Variants in NOVA2 observed in about 807,000 individuals in gnomAD.
The protein encoded by NOVA2 is RNA-binding protein Nova-2.
A neutral mutation model predicts 22.5 loss-of-function variants in NOVA2; 9 were observed. The observed-to-expected ratio is 0.40, with a 90% CI of 0.24 to 0.70. NOVA2 has a LOEUF of 0.70. Among genes scored for constraint, NOVA2 ranks in the 30% least tolerant of loss-of-function variants. The pLI is 0.38. For missense variants in NOVA2, 383 were observed against 682.8 expected, an observed-to-expected ratio of 0.56 and a Z score of 4.89; for synonymous variants, 318 against 335.2, an observed-to-expected ratio of 0.95 and a Z score of 0.56.
At chr19:45,967,219 C>T (rs1210330292) in intron 1 of NOVA2, among the ~76,000 whole-genome samples, 1 of 152,070 alleles carries the variant, frequency 6.6e-6, no homozygotes, top group Non-Finnish European at 1.5e-5. Context: ...GAATTTTATG[C>T]ACATCTTTTC....
chr19:45,969,610 T>C (rs896720522), intron 1 of NOVA2, among the ~76,000 whole-genome samples: 1 of 150,710 alleles, frequency 6.6e-6, no homozygotes, highest in African/African-American at 2.4e-5. Flanking sequence ...TATGTCTGTA[T>C]ATGGGTTTTT....
rs1052523622 is a variant in NOVA2, at chr19:45,936,789, C to T, written c.*3074G>A. On this transcript the variant is annotated 3_prime_UTR_variant, in exon 4 of 4. Coordinates refer to ENST00000263257, the MANE Select transcript of NOVA2 (RefSeq NM_002516.4). Reference sequence around the variant, plus strand: ...AATGAGAAGGAATAGGGAGATAATCCAATGCAGCAAACACTTATTAAGCAC... The same window carrying T: ...AATGAGAAGGAATAGGGAGATAATCTAATGCAGCAAACACTTATTAAGCAC... The T allele has an allele frequency of 2.6e-5, 4 of 151,998 alleles. No homozygotes were observed. The highest frequency in any genetic ancestry group is 9.7e-5 in the African/African-American group (4 of 41,364). The allele number at this position is 151,998 out of a possible 1,614,324, so 9.4% of individuals were successfully genotyped here.
intron 3 of NOVA2, 63 bp downstream of exon 3, chr19:45,953,717 G>C: frequency 2.5e-6 from 4 of 1,589,094 alleles, no homozygotes; most frequent in Non-Finnish European, 3.5e-6. Flanking sequence ...CAGTGATGTG[G>C]GAGGAATGTT....
intron 3 of NOVA2, among the ~76,000 whole-genome samples, chr19:45,945,019 T>G (rs1967816091): frequency 6.6e-6 from 1 of 152,034 alleles, no homozygotes; most frequent in Non-Finnish European, 1.5e-5. Flanking sequence ...CAAGATTTCT[T>G]TTGGAGGCCA....
chr19:45,943,053 CTTT>C (rs58123743), intron 3 of NOVA2, among the ~76,000 whole-genome samples: 57 of 117,576 alleles, frequency 4.8e-4, no homozygotes, highest in East Asian at 7.7e-4. Context: ...TATATGTCTA[CTTT>C]TTTTTTTTTT....
chr19:45,967,483 T>G (rs1299971517), intron 1 of NOVA2: 1 of 152,184 alleles, frequency 6.6e-6, no homozygotes, highest in Non-Finnish European at 1.5e-5. Context: ...CACTCTTCCC[T>G]TGAGTCCAGG....
At chr19:45,940,991 AAAATT>A (rs1341958964) in intron 3 of NOVA2, 46 bp from the exon 4 acceptor site, 15 of 1,506,878 alleles carry the variant, frequency 1.0e-5, no homozygotes, top group South Asian at 2.5e-5. Flanking sequence ...ATTTTTTTAA[AAAATT>A]AAATTAAATT....
At chr19:45,973,241 C>G (rs1452608272) in intron 1 of NOVA2, 26 bp downstream of exon 1, 7 of 1,420,270 alleles carry the variant, frequency 4.9e-6, no homozygotes, top group African/African-American at 3.0e-5. Context: ...CCCGCTCCCC[C>G]GCCCCGAGCC....
chr19:45,948,351 G>A (rs538602379), intron 3 of NOVA2, among the ~76,000 whole-genome samples: 4 of 152,146 alleles, frequency 2.6e-5, no homozygotes, highest in African/African-American at 9.7e-5. Context: ...TGTAATCCCA[G>A]AACTTTGGGA....
At chr19:45,941,799 T>C (rs1338871107) in intron 3 of NOVA2, among the ~76,000 whole-genome samples, 2 of 152,192 alleles carry the variant, frequency 1.3e-5, no homozygotes, top group Non-Finnish European at 2.9e-5. Context: ...TAGCCAGTAT[T>C]TGAGGTCCCC....
Position 45,939,047 on chromosome 19 carries a change from CACA to C in NOVA2, c.*813_*815del, listed in dbSNP as rs2146404833. The stretch of plus-strand genomic sequence containing the variant: ...CACCCCAGAAAGTACTCAGTGACAT[CACA>C]ACAGAGACCCTCATTGCCATTACTC... On this transcript the variant is annotated 3_prime_UTR_variant, in exon 4 of 4. Coordinates refer to ENST00000263257, the MANE Select transcript of NOVA2 (RefSeq NM_002516.4). 1 of 152,376 alleles carries C rather than the reference CACA, an allele frequency of 6.6e-6. No individual in the cohort carries two copies. Among genetic ancestry groups the C allele is most frequent in the African/African-American group, 2.4e-5 (1 of 41,562 alleles). 9.4% of individuals were successfully genotyped at this position (152,376 alleles called of 1,614,324 possible).
chr19:45,972,003 T>C (rs754861023), intron 1 of NOVA2, among the ~76,000 whole-genome samples: 2 of 151,872 alleles, frequency 1.3e-5, no homozygotes, highest in Non-Finnish European at 2.9e-5. Context: ...CAATCTCCAA[T>C]ACACACGGAC....
chr19:45,947,248 A>G (rs188764683), intron 3 of NOVA2, among the ~76,000 whole-genome samples: 1 of 152,260 alleles, frequency 6.6e-6, no homozygotes, highest in East Asian at 1.9e-4. Context: ...AACACAGTAG[A>G]TACTCAGCAA....
At position 45,973,690 on chromosome 19, in the gene NOVA2, A is replaced by T; in HGVS notation, c.-339T>A. Reference sequence around the variant, plus strand: ...GAGCCGGTTCTCGGGGGGCTGACAGAGCCTGGAGAGCGGCCGTGAGCAGGA... The same window carrying T: ...GAGCCGGTTCTCGGGGGGCTGACAGTGCCTGGAGAGCGGCCGTGAGCAGGA... On this transcript the variant is annotated 5_prime_UTR_variant, in exon 1 of 4. Transcript: ENST00000263257. 1 of 129,428 alleles carries T rather than the reference A, an allele frequency of 7.7e-6. No individual in the cohort carries two copies. The highest frequency in any genetic ancestry group is 1.6e-5 in the Non-Finnish European group (1 of 61,550). 8.0% of individuals were successfully genotyped at this position (129,428 alleles called of 1,614,324 possible). A position where few individuals can be genotyped will look rare whatever the true frequency, so the allele number is the denominator to read the frequency against.
intron 1 of NOVA2, among the ~76,000 whole-genome samples, chr19:45,972,228 C>T (rs558716330): frequency 1.7e-4 from 26 of 152,162 alleles, no homozygotes; most frequent in African/African-American, 6.3e-4. Context: ...GCCTCTCCCT[C>T]GTCATACACC....
chr19:45,968,287 A>C (rs1968191891), intron 1 of NOVA2, among the ~76,000 whole-genome samples: 1 of 151,782 alleles, frequency 6.6e-6, no homozygotes, highest in Non-Finnish European at 1.5e-5. Context: ...CGGTGTTGTC[A>C]TCGGGAGCCT....
At chr19:45,962,674 C>T (rs1270657942) in intron 1 of NOVA2, 1 of 152,026 alleles carries the variant, frequency 6.6e-6, no homozygotes, top group Admixed American at 6.6e-5. Flanking sequence ...TGAGATACGG[C>T]CTTGCTCTAT....
chr19:45,945,209 A>C (rs1417588201), intron 3 of NOVA2, among the ~76,000 whole-genome samples: 1 of 151,760 alleles, frequency 6.6e-6, no homozygotes, highest in Non-Finnish European at 1.5e-5. Context: ...CAGGAGTCTA[A>C]GGGATCACTT....
chr19:45,944,827 T>G (rs368651761), intron 3 of NOVA2, among the ~76,000 whole-genome samples: 1 of 152,224 alleles, frequency 6.6e-6, no homozygotes, highest in African/African-American at 2.4e-5. Context: ...GGATTTCTTT[T>G]GGGTAATAGA....
Sources: allele counts gnomAD v4.1 joint callset (sites outside exome capture counted in the v4.1 genomes callset), GRCh38; gene constraint gnomAD v4.1.1; transcripts MANE v1.5; gene names NCBI Gene and HGNC (gene_info 2026-07-23, HGNC 2026-07-21).